The following DIP2C variants were observed in gnomAD, a reference collection of about 807,000 sequenced individuals.
DIP2C encodes disco-interacting protein 2 homolog C.
DIP2C carries 33 observed loss-of-function variants against 192.4 expected under a neutral mutation model. That is an observed-to-expected ratio of 0.17 (90% CI 0.13 to 0.23). The LOEUF (loss-of-function observed/expected upper bound fraction) is 0.23. DIP2C is among the 10% of genes least tolerant of loss of function. The pLI is 1.00. For synonymous variants in DIP2C, 979 were observed against 864.1 expected, an observed-to-expected ratio of 1.13 and a Z score of -2.33; for missense variants, 1,537 against 2,110.1, an observed-to-expected ratio of 0.73 and a Z score of 5.32.
intron 31 of DIP2C, among the ~76,000 whole-genome samples, chr10:316,835 C>T (rs558702236): frequency 1.3e-5 from 2 of 152,318 alleles, no homozygotes; most frequent in South Asian, 4.1e-4. Flanking sequence ...AGTTCAGAAA[C>T]TTTTTGCTTT....
At chr10:545,166 C>CTTTTTTTTTTTT (rs60185327) in intron 1 of DIP2C, among the ~76,000 whole-genome samples, 63 of 86,346 alleles carry the variant, frequency 7.3e-4, no homozygotes, top group East Asian at 1.8e-3. Flanking sequence ...GGTGTTTTCC[C>CTTTTTTTTTTTT]TTTTTTTTTT....
intron 31 of DIP2C, among the ~76,000 whole-genome samples, chr10:317,505 C>T (rs3132010): frequency 0.98 from 149,675 of 152,330 alleles, 73,572 homozygotes; most frequent in Non-Finnish European, 1. Context: ...ATGAAAGCAC[C>T]CAGACGTGAC....
intron 1 of DIP2C, among the ~76,000 whole-genome samples, chr10:544,610 C>T (rs1042575998): frequency 6.6e-6 from 1 of 152,192 alleles, no homozygotes; most frequent in Admixed American, 6.5e-5. Flanking sequence ...CCGTCCAGTA[C>T]TGGGGTTTTA....
intron 1 of DIP2C, among the ~76,000 whole-genome samples, chr10:558,416 C>G (rs1849023165): frequency 6.6e-6 from 1 of 152,218 alleles, no homozygotes; most frequent in Non-Finnish European, 1.5e-5. Context: ...CTAATCATCT[C>G]TATTCAGAAA....
chr10:383,264 G>A (rs1022553484), intron 16 of DIP2C, among the ~76,000 whole-genome samples: 4 of 152,222 alleles, frequency 2.6e-5, no homozygotes, highest in African/African-American at 7.2e-5. Context: ...TTCTATAAGT[G>A]AAGACTGTTT....
intron 1 of DIP2C, among the ~76,000 whole-genome samples, chr10:618,387 TC>T (rs1853611674): frequency 6.6e-6 from 1 of 152,204 alleles, no homozygotes; most frequent in Admixed American, 6.5e-5. Flanking sequence ...CATGGCCTCG[TC>T]CCAGGCCCCT....
At chr10:314,891 T>A (rs779995629) in intron 31 of DIP2C, among the ~76,000 whole-genome samples, 1 of 152,224 alleles carries the variant, frequency 6.6e-6, no homozygotes, top group African/African-American at 2.4e-5. Context: ...CACAGAAGTT[T>A]TGGAGGGGGA....
chr10:609,229 C>T (rs1363628163), intron 1 of DIP2C, among the ~76,000 whole-genome samples: 1 of 152,064 alleles, frequency 6.6e-6, no homozygotes, highest in Non-Finnish European at 1.5e-5. Flanking sequence ...CTCTGCTCTC[C>T]TTACAGGAAC....
At chr10:595,626 GTCCC>G (rs1029579047) in intron 1 of DIP2C, among the ~76,000 whole-genome samples, 31 of 137,636 alleles carry the variant, frequency 2.3e-4, no homozygotes, top group African/African-American at 7.3e-4. Context: ...AGCTCCAGTT[GTCCC>G]TCCATCTACA....
At chr10:326,905 A>G (rs892794156) in intron 31 of DIP2C, 101 bp downstream of exon 31, 12 of 1,393,050 alleles carry the variant, frequency 8.6e-6, no homozygotes, top group Non-Finnish European at 1.1e-5. Flanking sequence ...TTCTGGATGT[A>G]GCTAAGCATC....
At chr10:342,378 T>A (rs181027249) in intron 28 of DIP2C, among the ~76,000 whole-genome samples, 3,737 of 152,290 alleles carry the variant, frequency 0.025, 140 homozygotes, top group African/African-American at 0.085. Flanking sequence ...CAGGATGGTC[T>A]CGATCTCCTG....
intron 29 of DIP2C, among the ~76,000 whole-genome samples, chr10:331,335 G>A (rs1429610672): frequency 6.6e-5 from 10 of 151,986 alleles, no homozygotes; most frequent in Non-Finnish European, 1.2e-4. Flanking sequence ...ACTACTCTTC[G>A]GCAAATGTGA....
At chr10:532,889 T>C (rs764507808) in intron 1 of DIP2C, among the ~76,000 whole-genome samples, 1 of 152,070 alleles carries the variant, frequency 6.6e-6, no homozygotes, top group Admixed American at 6.6e-5. Flanking sequence ...CTCCCAGGCT[T>C]GGGTGATCCT....
At chr10:351,108 C>T (rs78121132) in intron 24 of DIP2C, among the ~76,000 whole-genome samples, 1 of 152,080 alleles carries the variant, frequency 6.6e-6, no homozygotes, top group Non-Finnish European at 1.5e-5. Flanking sequence ...CCAGACACTG[C>T]GATTCAGAGT....
intron 1 of DIP2C, among the ~76,000 whole-genome samples, chr10:612,540 A>C (rs1368998452): frequency 1.3e-5 from 2 of 152,198 alleles, no homozygotes; most frequent in Admixed American, 6.5e-5. Flanking sequence ...TTTTCTTTGC[A>C]CTTTGATTTC....
intron 32 of DIP2C, among the ~76,000 whole-genome samples, chr10:300,330 C>T (rs894154176): frequency 6.6e-6 from 1 of 152,194 alleles, no homozygotes; most frequent in African/African-American, 2.4e-5. Context: ...AAGATTTTGA[C>T]ACAATGCTAC....
intron 1 of DIP2C, among the ~76,000 whole-genome samples, chr10:562,369 A>G (rs1331816821): frequency 1.3e-5 from 2 of 152,246 alleles, no homozygotes; most frequent in Non-Finnish European, 2.9e-5. Flanking sequence ...CCTTCTAGTG[A>G]ATGAATCACT....
intron 3 of DIP2C, among the ~76,000 whole-genome samples, chr10:451,568 A>G (rs1241522918): frequency 6.6e-6 from 1 of 152,268 alleles, no homozygotes; most frequent in African/African-American, 2.4e-5. Flanking sequence ...CAATGTAATT[A>G]AAGTGCTTGT....
At chr10:461,519 C>A (rs1589847193) in intron 3 of DIP2C, among the ~76,000 whole-genome samples, 1 of 152,174 alleles carries the variant, frequency 6.6e-6, no homozygotes, top group African/African-American at 2.4e-5. Context: ...AATACAGGAG[C>A]ACCCAGATTC....
Sources: allele counts gnomAD v4.1 joint callset (sites outside exome capture counted in the v4.1 genomes callset), GRCh38; gene constraint gnomAD v4.1.1; transcripts MANE v1.5; gene names NCBI Gene and HGNC (gene_info 2026-07-23, HGNC 2026-07-21).